CXCL13: variants seen among roughly 807,000 people sequenced by gnomAD.
CXCL13 encodes C-X-C motif chemokine 13.
In CXCL13, 7 loss-of-function variants were observed where a neutral mutation model predicts 12.2. The ratio of observed to expected loss-of-function variants is 0.57; its 90% confidence interval spans 0.33 to 1.07. CXCL13 has a LOEUF of 1.07. CXCL13 is among the 50% of genes least tolerant of loss of function. The pLI is 0.04. For synonymous variants in CXCL13, 47 were observed against 42.4 expected, an observed-to-expected ratio of 1.11 and a Z score of -0.42; for missense variants, 113 against 127.4, an observed-to-expected ratio of 0.89 and a Z score of 0.55.
chr4:77,535,361 T>A (rs757409781), intron 1 of CXCL13, among the ~76,000 whole-genome samples: 1 of 152,196 alleles, frequency 6.6e-6, no homozygotes, highest in Non-Finnish European at 1.5e-5. Flanking sequence ...CCCTTTCCAG[T>A]TGAGCCATGC....
chr4:77,568,801 G>A (rs1725998736), intron 1 of CXCL13, among the ~76,000 whole-genome samples: 1 of 152,174 alleles, frequency 6.6e-6, no homozygotes, highest in South Asian at 2.1e-4. Context: ...AGGATTGTGG[G>A]TTACAGTCCC....
chr4:77,598,459 T>G (rs1162379355), intron 1 of CXCL13, among the ~76,000 whole-genome samples: 1 of 152,196 alleles, frequency 6.6e-6, no homozygotes, highest in Non-Finnish European at 1.5e-5. Flanking sequence ...GACTATGCTT[T>G]TCTCACCCAC....
intron 1 of CXCL13, among the ~76,000 whole-genome samples, chr4:77,520,160 C>A (rs1406152575): frequency 7.2e-5 from 11 of 152,186 alleles, no homozygotes; most frequent in Admixed American, 7.2e-4. Context: ...ATGCCTCCAG[C>A]TTCATTCTTT....
chr4:77,603,715 A>T (rs1726940878), upstream of CXCL13, among the ~76,000 whole-genome samples: 2 of 152,138 alleles, frequency 1.3e-5, no homozygotes, highest in Non-Finnish European at 2.9e-5. Context: ...TGGTGGATGG[A>T]TTGAAGAGTT....
intron 1 of CXCL13, among the ~76,000 whole-genome samples, chr4:77,555,471 A>G (rs1446174146): frequency 6.6e-6 from 1 of 152,094 alleles, no homozygotes; most frequent in Non-Finnish European, 1.5e-5. Context: ...GCCTATGTGA[A>G]AAAAGCATGA....
At chr4:77,605,758 C>A, upstream of CXCL13, 1 of 538,752 alleles carries the variant, frequency 1.9e-6, no homozygotes, top group Non-Finnish European at 3.3e-6. Flanking sequence ...CTACTGGAGA[C>A]AAAGGCAGTG....
At chr4:77,580,185 A>G (rs112660157) in intron 1 of CXCL13, among the ~76,000 whole-genome samples, 1 of 151,996 alleles carries the variant, frequency 6.6e-6, no homozygotes, top group African/African-American at 2.4e-5. Flanking sequence ...AAAAGCCCTG[A>G]CTTGACTGCC....
chr4:77,513,627 T>C (rs1724327377), intron 1 of CXCL13, among the ~76,000 whole-genome samples: 1 of 152,038 alleles, frequency 6.6e-6, no homozygotes. Flanking sequence ...AATTTTATTG[T>C]CTTTTTAGTA....
chr4:77,590,034 ATTG>A (rs1382148717), intron 1 of CXCL13, among the ~76,000 whole-genome samples: 3 of 152,180 alleles, frequency 2.0e-5, no homozygotes, highest in Admixed American at 2.0e-4. Flanking sequence ...AATATTGATG[ATTG>A]AAGCCTATTG....
intron 1 of CXCL13, among the ~76,000 whole-genome samples, chr4:77,570,360 T>C (rs1275658806): frequency 6.6e-6 from 1 of 152,186 alleles, no homozygotes; most frequent in East Asian, 1.9e-4. Flanking sequence ...ATTTTTGCAA[T>C]CTATGCCTCT....
At chr4:77,539,271 TA>T (rs908115558) in intron 1 of CXCL13, among the ~76,000 whole-genome samples, 2 of 152,068 alleles carry the variant, frequency 1.3e-5, no homozygotes, top group Admixed American at 1.3e-4. Context: ...ATTTTAGTCA[TA>T]AAAACTACAC....
chr4:77,524,704 A>T (rs924328322), intron 1 of CXCL13, among the ~76,000 whole-genome samples: 13 of 152,014 alleles, frequency 8.6e-5, no homozygotes, highest in Non-Finnish European at 1.5e-5. Context: ...ACCCTGCTTC[A>T]GCTCACCCTC....
intron 1 of CXCL13, among the ~76,000 whole-genome samples, chr4:77,583,357 C>A (rs1250384274): frequency 6.6e-6 from 1 of 152,186 alleles, no homozygotes; most frequent in Non-Finnish European, 1.5e-5. Context: ...CATCTCCCAA[C>A]ACAGTTCTCT....
intron 1 of CXCL13, among the ~76,000 whole-genome samples, chr4:77,579,932 C>A (rs1052497993): frequency 2.0e-5 from 3 of 152,166 alleles, no homozygotes; most frequent in Non-Finnish European, 4.4e-5. Flanking sequence ...CTATGCCAAT[C>A]CAGGGTGATA....
intron 1 of CXCL13, among the ~76,000 whole-genome samples, chr4:77,526,033 A>C (rs1027315460): frequency 9.2e-5 from 14 of 151,950 alleles, no homozygotes; most frequent in Non-Finnish European, 1.5e-4. Context: ...ATTTAAAAAA[A>C]CTCCTGTGTT....
intron 1 of CXCL13, among the ~76,000 whole-genome samples, chr4:77,518,805 C>T (rs1172211856): frequency 6.6e-6 from 1 of 152,240 alleles, no homozygotes; most frequent in Non-Finnish European, 1.5e-5. Context: ...CAAAGTCATT[C>T]TCCATCCAGC....
rs189141363 is a variant in CXCL13, at chr4:77,611,263, G to T, written c.*224G>T. ...GTTTGCATTCTTATTCATCAGGGAG[G>T]AAAGTTTCTTTGAAAATAGTTATTC... On this transcript the variant is annotated 3_prime_UTR_variant, in exon 4 of 4. Coordinates refer to ENST00000682537, the MANE Select transcript of CXCL13 (RefSeq NM_001371558.1). The T allele has an allele frequency of 7.0e-6, 3 of 426,534 alleles. No homozygotes were observed. The highest frequency in any genetic ancestry group is 6.0e-5 in the African/African-American group (3 of 49,628). 26.4% of individuals were successfully genotyped at this position (426,534 alleles called of 1,614,324 possible).
intron 1 of CXCL13, among the ~76,000 whole-genome samples, chr4:77,563,241 A>G (rs929370945): frequency 6.6e-6 from 1 of 152,090 alleles, no homozygotes; most frequent in Middle Eastern, 3.2e-3. Context: ...AGTCAGTGAG[A>G]CCAAGAACCC....
intron 2 of CXCL13, 62 bp downstream of exon 2, chr4:77,607,897 A>G (rs1352798384): frequency 6.6e-7 from 1 of 1,507,596 alleles, no homozygotes; most frequent in Non-Finnish European, 9.2e-7. Flanking sequence ...ATCAAATGTT[A>G]CCATACAGTA....
Sources: allele counts gnomAD v4.1 joint callset (sites outside exome capture counted in the v4.1 genomes callset), GRCh38; gene constraint gnomAD v4.1.1; transcripts MANE v1.5; gene names NCBI Gene and HGNC (gene_info 2026-07-23, HGNC 2026-07-21).